PITPNC1: variants seen among roughly 807,000 people sequenced by gnomAD.
PITPNC1 encodes cytoplasmic phosphatidylinositol transfer protein 1.
Under a neutral mutation model 44.7 loss-of-function variants are expected in PITPNC1, and 18 were observed. The observed-to-expected ratio is 0.40, with a 90% CI of 0.28 to 0.60. The LOEUF is 0.60. Among genes scored for constraint, PITPNC1 ranks in the 20% least tolerant of loss-of-function variants. PITPNC1 has a pLI of 0.39. For synonymous variants in PITPNC1, 141 were observed against 149.6 expected (o/e 0.94, Z 0.42); for missense variants, 290 against 418.4 (o/e 0.69, Z 2.68).
At chr17:67,689,604 T>C (rs753354872) in intron 8 of PITPNC1, among the ~76,000 whole-genome samples, 15 of 152,164 alleles carry the variant, frequency 9.9e-5, no homozygotes, top group Non-Finnish European at 2.1e-4. Context: ...TAGATTGAAA[T>C]TAGGCAAAAT....
intron 5 of PITPNC1, among the ~76,000 whole-genome samples, chr17:67,595,085 T>C (rs2041442977): frequency 6.6e-6 from 1 of 152,240 alleles, no homozygotes; most frequent in South Asian, 2.1e-4. Flanking sequence ...AATCAATGAA[T>C]TAATTCAGCA....
At chr17:67,665,314 A>G (rs746181626) in intron 6 of PITPNC1, among the ~76,000 whole-genome samples, 11 of 152,128 alleles carry the variant, frequency 7.2e-5, no homozygotes, top group Admixed American at 1.3e-4. Context: ...GCTGGTCTTA[A>G]ACTCCTGGAC....
chr17:67,440,021 C>T (rs2038990729), intron 1 of PITPNC1, among the ~76,000 whole-genome samples: 1 of 152,128 alleles, frequency 6.6e-6, no homozygotes, highest in Admixed American at 6.5e-5. Context: ...AAAAGTCTGT[C>T]TGAAATGAGA....
chr17:67,422,658 CTG>C, intron 1 of PITPNC1, among the ~76,000 whole-genome samples: 1 of 152,072 alleles, frequency 6.6e-6, no homozygotes, highest in East Asian at 1.9e-4. Context: ...AGAGATTCTC[CTG>C]CCTCAGCCTC....
chr17:67,441,568 G>A (rs559651066), intron 1 of PITPNC1, among the ~76,000 whole-genome samples: 5 of 152,296 alleles, frequency 3.3e-5, no homozygotes, highest in African/African-American at 9.6e-5. Context: ...ATTGTAAAAG[G>A]CGGATGGAAA....
chr17:67,491,628 C>T (rs2039865958), intron 1 of PITPNC1, among the ~76,000 whole-genome samples: 1 of 152,098 alleles, frequency 6.6e-6, no homozygotes, highest in South Asian at 2.1e-4. Flanking sequence ...CACTTGAGGC[C>T]AGGAGTCTAA....
At chr17:67,513,193 A>G (rs887728115) in intron 1 of PITPNC1, among the ~76,000 whole-genome samples, 2 of 151,952 alleles carry the variant, frequency 1.3e-5, no homozygotes, top group East Asian at 3.9e-4. Context: ...GCGAAACCCC[A>G]TCTCTACTAA....
At chr17:67,473,126 T>C (rs1319427902) in intron 1 of PITPNC1, among the ~76,000 whole-genome samples, 1 of 152,136 alleles carries the variant, frequency 6.6e-6, no homozygotes, top group Non-Finnish European at 1.5e-5. Flanking sequence ...TCCACCCGCC[T>C]TGGCCTCCCA....
At chr17:67,414,844 GT>G (rs35350855) in intron 1 of PITPNC1, among the ~76,000 whole-genome samples, 2,981 of 152,170 alleles carry the variant, frequency 0.02, 40 homozygotes, top group Middle Eastern at 0.044. Flanking sequence ...GTTCTATAGA[GT>G]TTTTCTGTCT....
chr17:67,419,408 C>T (rs1034173638), intron 1 of PITPNC1, among the ~76,000 whole-genome samples: 10 of 152,128 alleles, frequency 6.6e-5, no homozygotes, highest in Non-Finnish European at 1.3e-4. Context: ...TTTCAAGTTG[C>T]AGTGCCAGGC....
intron 6 of PITPNC1, among the ~76,000 whole-genome samples, chr17:67,644,052 T>TAGGCTGTAAC (rs1236158638): frequency 1.3e-5 from 2 of 152,224 alleles, no homozygotes; most frequent in African/African-American, 4.8e-5. Context: ...CCTGCAGAAG[T>TAGGCTGTAAC]TACAGCCATT....
chr17:67,671,237 C>T (rs575263998), intron 7 of PITPNC1, among the ~76,000 whole-genome samples: 1 of 152,200 alleles, frequency 6.6e-6, no homozygotes, highest in African/African-American at 2.4e-5. Context: ...CATATTTTCT[C>T]AGGGTTTCTA....
chr17:67,641,783 A>AAAT (rs151024440), intron 6 of PITPNC1, among the ~76,000 whole-genome samples: 35,832 of 135,608 alleles, frequency 0.26, 4,779 homozygotes, highest in Non-Finnish European at 0.28. Flanking sequence ...CCCTACCTCA[A>AAAT]AATAATAATA....
chr17:67,554,221 G>C (rs2040804285), intron 4 of PITPNC1, among the ~76,000 whole-genome samples: 1 of 150,422 alleles, frequency 6.6e-6, no homozygotes, highest in African/African-American at 2.5e-5. Flanking sequence ...CAGCTAACAG[G>C]TCAACCTATC....
At chr17:67,391,555 A>G (rs1341034762) in intron 1 of PITPNC1, among the ~76,000 whole-genome samples, 1 of 152,050 alleles carries the variant, frequency 6.6e-6, no homozygotes, top group East Asian at 1.9e-4. Flanking sequence ...ATCTTGGCTC[A>G]CTGCAACCTC....
intron 6 of PITPNC1, among the ~76,000 whole-genome samples, chr17:67,659,254 T>C (rs1285485915): frequency 1.3e-5 from 2 of 152,194 alleles, no homozygotes; most frequent in African/African-American, 2.4e-5. Context: ...TGAGAGTGCA[T>C]TGTTTCTCAC....
chr17:67,469,317 C>T (rs950289411), intron 1 of PITPNC1, among the ~76,000 whole-genome samples: 1 of 152,182 alleles, frequency 6.6e-6, no homozygotes, highest in Non-Finnish European at 1.5e-5. Context: ...CCCTTCTCTG[C>T]ACACATTGCA....
At chr17:67,388,024 A>G (rs566654655) in intron 1 of PITPNC1, among the ~76,000 whole-genome samples, 10 of 152,344 alleles carry the variant, frequency 6.6e-5, no homozygotes, top group African/African-American at 2.4e-4. Flanking sequence ...TAGGGTCCAC[A>G]CATAGTAAAT....
intron 1 of PITPNC1, among the ~76,000 whole-genome samples, chr17:67,504,703 TG>T (rs368900545): frequency 1.8e-4 from 28 of 152,346 alleles, no homozygotes; most frequent in African/African-American, 6.7e-4. Flanking sequence ...AGCCAACTTT[TG>T]GTTTTGTTCA....
Sources: gnomAD v4.1 joint callset for allele counts (sites outside exome capture counted in the v4.1 genomes callset) on GRCh38, gnomAD v4.1.1 for gene constraint, MANE v1.5 for transcripts, NCBI Gene and HGNC (gene_info 2026-07-23, HGNC 2026-07-21) for gene names.